ADAP2: variants seen among roughly 807,000 people sequenced by gnomAD.
The protein encoded by ADAP2 is arf-GAP with dual PH domain-containing protein 2.
A neutral mutation model predicts 54.9 loss-of-function variants in ADAP2; 42 were observed. The ratio of observed to expected loss-of-function variants is 0.77; its 90% confidence interval spans 0.60 to 0.99. The LOEUF (loss-of-function observed/expected upper bound fraction) is 0.99, where lower values mean the gene tolerates loss of function less well. Among genes scored for constraint, ADAP2 ranks in the 50% least tolerant of loss-of-function variants. The probability of loss-of-function intolerance (pLI) is 0.00; values close to 1 mark genes in which losing one functional copy is unlikely to be tolerated. For synonymous variants in ADAP2, 177 were observed against 180.1 expected (o/e 0.98, Z 0.14); for missense variants, 429 against 480.4 (o/e 0.89, Z 1.00).
chr17:30,923,923 C>G (rs576770123), intron 2 of ADAP2, among the ~76,000 whole-genome samples: 1 of 151,750 alleles, frequency 6.6e-6, no homozygotes, highest in Non-Finnish European at 1.5e-5. Flanking sequence ...AGTCTGGTCT[C>G]GAACTCCTGA....
intron 8 of ADAP2, chr17:30,954,190 TCTTTGTCTACAGC>T: frequency 3.4e-6 from 1 of 295,744 alleles, no homozygotes; most frequent in Non-Finnish European, 6.4e-6. Flanking sequence ...CTTTCCGGCT[TCTTTGTCTACAGC>T]CTGAAAAAGA....
intron 5 of ADAP2, among the ~76,000 whole-genome samples, chr17:30,939,554 G>A (rs1207748601): frequency 1.3e-5 from 2 of 151,704 alleles, no homozygotes; most frequent in Non-Finnish European, 2.9e-5. Context: ...GGCAGATCAC[G>A]AGGTCAGGAG....
At chr17:30,929,745 A>G (rs1911336925) in intron 3 of ADAP2, among the ~76,000 whole-genome samples, 1 of 152,122 alleles carries the variant, frequency 6.6e-6, no homozygotes, top group Non-Finnish European at 1.5e-5. Flanking sequence ...TGCCCAGGCT[A>G]GAGTTCAGTG....
At chr17:30,923,533 G>A (rs773473381) in intron 2 of ADAP2, among the ~76,000 whole-genome samples, 1 of 151,416 alleles carries the variant, frequency 6.6e-6, no homozygotes, top group Non-Finnish European at 1.5e-5. Flanking sequence ...CAAAGTGCTG[G>A]GATTACAGGC....
chr17:30,955,918 A>ATT (rs954251914), intron 9 of ADAP2, among the ~76,000 whole-genome samples: 1 of 150,766 alleles, frequency 6.6e-6, no homozygotes, highest in South Asian at 2.1e-4. Context: ...ATAATTAATA[A>ATT]TTTTTTTTTG....
chr17:30,922,140 C>A (rs1166483605), intron 1 of ADAP2, 32 bp downstream of exon 1: 1 of 1,220,412 alleles, frequency 8.2e-7, no homozygotes, highest in South Asian at 3.9e-5. Context: ...CAGCGCGAGA[C>A]CCCCGGCCGG....
At chr17:30,922,796 G>A in intron 1 of ADAP2, 144 bp from the exon 2 acceptor site, 2 of 909,378 alleles carry the variant, frequency 2.2e-6, no homozygotes, top group Non-Finnish European at 3.3e-6. Context: ...GCGGCCGGTG[G>A]GCTAACCAGA....
At chr17:30,941,627 T>C (rs1461534290) in intron 5 of ADAP2, among the ~76,000 whole-genome samples, 3 of 152,216 alleles carry the variant, frequency 2.0e-5, no homozygotes, top group Non-Finnish European at 4.4e-5. Flanking sequence ...TGCAAAACAA[T>C]TTGAAATCCA....
At chr17:30,936,582 G>T (rs1253837632) in intron 5 of ADAP2, among the ~76,000 whole-genome samples, 2 of 151,696 alleles carry the variant, frequency 1.3e-5, no homozygotes, top group East Asian at 3.9e-4. Context: ...GTGCTTATTG[G>T]CCATTTGTAT....
chr17:30,931,844 A>AG, intron 3 of ADAP2, 45 bp from the exon 4 acceptor site: 1 of 1,409,430 alleles, frequency 7.1e-7, no homozygotes, highest in East Asian at 2.3e-5. Context: ...AAAAAAAAAA[A>AG]GAGAATGCAT....
rs1912164533 is a variant in ADAP2 at position 30,940,165 on chromosome 17, G to A, written c.511-4742G>A. On this transcript the variant is annotated intron_variant, in intron 5 of 10. Coordinates refer to ENST00000330889, the MANE Select transcript of ADAP2 (RefSeq NM_018404.3). ...TTTGGCAACGACAGGATTTCATCATGTTGCCCAGGTTGGTCTTGAACTCCT... is the reference window on the plus strand; with the variant it reads ...TTTGGCAACGACAGGATTTCATCATATTGCCCAGGTTGGTCTTGAACTCCT... Among the ~76,000 whole-genome samples, 3 of 151,880 alleles carry A rather than the reference G, an allele frequency of 2.0e-5. 1 individual carries two copies. The highest frequency in any genetic ancestry group is 2.0e-4 in the Admixed American group (3 of 15,216).
intron 9 of ADAP2, among the ~76,000 whole-genome samples, chr17:30,955,935 A>AG (rs926108023): frequency 2.6e-5 from 4 of 152,136 alleles, no homozygotes; most frequent in African/African-American, 9.6e-5. Flanking sequence ...TTTGTAGAGA[A>AG]GGGGTCTCAC....
rs1279590599 is a variant in ADAP2, at chr17:30,931,904, A to G, written c.333A>G (p.Gln111=). 1.2e-6 allele frequency: 2 copies of G among 1,613,846 alleles called. No homozygotes were observed. Among genetic ancestry groups the G allele is most frequent in the East Asian group, 2.2e-5 (1 of 44,888 alleles). ...QANDCLVLKE[Q]WIRAKYERRE... ...CTCTTTTTAGGGTCTTAAAGGAACA[A>G]TGGATTCGAGCTAAGTATGAGAGAC... is the stretch of plus-strand genomic sequence containing the variant. The change falls in exon 4 of 11, where the codon CAA becomes CAG. Residue 111 remains glutamine (Q), a synonymous_variant. Transcript: ENST00000330889.
intron 8 of ADAP2, 28 bp downstream of exon 8, chr17:30,953,378 T>G: frequency 1.3e-6 from 2 of 1,598,544 alleles, no homozygotes; most frequent in Non-Finnish European, 8.6e-7. Flanking sequence ...CTGGGGAACT[T>G]AATATGGTTT....
intron 3 of ADAP2, among the ~76,000 whole-genome samples, chr17:30,930,036 G>A (rs895167668): frequency 1.4e-5 from 2 of 147,422 alleles, no homozygotes; most frequent in African/African-American, 2.5e-5. Flanking sequence ...GATTGTAAGC[G>A]ACAGAAACCT....
intron 6 of ADAP2, among the ~76,000 whole-genome samples, chr17:30,947,725 T>C (rs1912780325): frequency 6.6e-6 from 1 of 152,226 alleles, no homozygotes; most frequent in Non-Finnish European, 1.5e-5. Context: ...GCTTCGCCTA[T>C]GAGAGAGAAA....
chr17:30,955,718 GA>G (rs1196674116), intron 9 of ADAP2, among the ~76,000 whole-genome samples: 8 of 147,912 alleles, frequency 5.4e-5, no homozygotes, highest in Non-Finnish European at 7.5e-5. Context: ...AAAAAAGAAA[GA>G]AAAAAAAAGA....
chr17:30,945,115 G>C, intron 6 of ADAP2, 62 bp downstream of exon 6: 3 of 1,573,148 alleles, frequency 1.9e-6, no homozygotes, highest in Non-Finnish European at 2.6e-6. Flanking sequence ...GGCAGGTGCA[G>C]CTCACCACCT....
chr17:30,935,088 CG>C (rs1911776307), intron 5 of ADAP2, among the ~76,000 whole-genome samples: 1 of 151,770 alleles, frequency 6.6e-6, no homozygotes, highest in Admixed American at 6.6e-5. Flanking sequence ...AAACAAAAAC[CG>C]GGCATGGTGG....
Sources: gnomAD v4.1 joint callset for allele counts (sites outside exome capture counted in the v4.1 genomes callset) on GRCh38, gnomAD v4.1.1 for gene constraint, MANE v1.5 for transcripts, NCBI Gene and HGNC (gene_info 2026-07-23, HGNC 2026-07-21) for gene names.